The following MYO5B variants were observed in gnomAD, a reference collection of about 807,000 sequenced individuals.
MYO5B encodes the protein unconventional myosin-Vb.
Under a neutral mutation model 229.3 loss-of-function variants are expected in MYO5B, and 143 were observed. The ratio of observed to expected loss-of-function variants is 0.62; its 90% CI spans 0.54 to 0.72. The LOEUF is 0.72. MYO5B is among the 30% of genes least tolerant of loss of function. The pLI is 0.00. For missense variants in MYO5B, 2,321 were observed against 2,331.0 expected (o/e 1.00, Z 0.09); for synonymous variants, 918 against 885.2 (o/e 1.04, Z -0.66).
chr18:49,918,557 G>A (rs1043523468), intron 17 of MYO5B, among the ~76,000 whole-genome samples: 2 of 152,188 alleles, frequency 1.3e-5, no homozygotes, highest in African/African-American at 4.8e-5. Context: ...AGGATTCCTG[G>A]TCACATGGAG....
intron 1 of MYO5B, among the ~76,000 whole-genome samples, chr18:50,067,847 T>A (rs2030860311): frequency 6.6e-6 from 1 of 152,180 alleles, no homozygotes; most frequent in African/African-American, 2.4e-5. Context: ...GCCTCAGGTA[T>A]TCCTTTATAG....
In MYO5B at chr18:49,893,606, C is replaced by T. The variant is rs558851384; in HGVS notation, c.3045+1335G>A. On this transcript the variant is annotated intron_variant, in intron 22 of 39. Coordinates refer to ENST00000285039, the MANE Select transcript of MYO5B (RefSeq NM_001080467.3). ...TCCTGTGGGCAGAGGGCCCTCAAAGCAGCACATCAGGAGTGTGGCCTTTTA... is the reference window on the plus strand; with the variant it reads ...TCCTGTGGGCAGAGGGCCCTCAAAGTAGCACATCAGGAGTGTGGCCTTTTA... 5.9e-5 allele frequency among the ~76,000 whole-genome samples: 9 copies of T among 152,312 alleles called. No individual in the cohort carries two copies. The South Asian group carries it at 1.9e-3, about 32-fold the overall frequency.
chr18:49,908,400 AAGCAAACTT>A (rs2024923759), intron 18 of MYO5B, among the ~76,000 whole-genome samples: 1 of 152,210 alleles, frequency 6.6e-6, no homozygotes, highest in Non-Finnish European at 1.5e-5. Context: ...CAGGGGCTGA[AAGCAAACTT>A]AGCAATCCAT....
At position 49,879,086 on chromosome 18, in the gene MYO5B, T is replaced by G. The variant is rs1302588433; in HGVS notation, c.3135A>C (p.Glu1045Asp). ...TTTCCTTCACAGAGTTCTGGGCAAA[T>G]TCATCTGGAAAGCAACACGCTAAGC... Reference protein sequence around the residue: ...NNQILCQSKDEFAQNSVKENL... With the variant: ...NNQILCQSKDDFAQNSVKENL... The change falls in exon 24 of 40, where the codon GAA becomes GAC. Residue 1045 changes from glutamate (E) to aspartate (D), a missense_variant. Glu to Asp is a conservative substitution (Grantham distance 45). Around this residue, in one of 2 missense-constraint regions of MYO5B, gnomAD observed 2,113 missense variants for 2,044.7 expected, o/e 1.03. Transcript: ENST00000285039. 1.9e-6 allele frequency: 3 copies of G among 1,614,046 alleles called. No homozygotes were observed. The African/African-American group carries it at 4.0e-5, about 22-fold the overall frequency.
chr18:49,992,575 A>G (rs1477362194), intron 5 of MYO5B, 144 bp from the exon 6 acceptor site: 3 of 1,233,954 alleles, frequency 2.4e-6, no homozygotes, highest in Non-Finnish European at 3.5e-6. Flanking sequence ...GAACTGAGCT[A>G]AAGAATAAAA....
Position 49,853,607 on chromosome 18 carries a change from C to T in MYO5B, c.4063G>A (p.Glu1355Lys), listed in dbSNP as rs1390350411. 1 of 1,613,898 alleles carries T rather than the reference C, an allele frequency of 6.2e-7. No individual in the cohort carries two copies. The highest frequency in any genetic ancestry group is 2.2e-5 in the East Asian group (1 of 44,896). Residue 1355 changes from glutamate (E) to lysine (K), a missense_variant, in exon 31 of 40, where the codon GAG (glutamate) becomes AAG (lysine). Transcript: ENST00000285039. ...AQLQAQSLEH[E>K]EEVEHLKAQL... ...GCCTTGAGATGCTCCACCTCCTCCT[C>T]ATGCTCCAGGCTCTGGGCCTGCAGC... is the stretch of plus-strand genomic sequence containing the variant.
At chr18:50,033,766 CCT>C (rs1004756072) in intron 4 of MYO5B, among the ~76,000 whole-genome samples, 1 of 152,116 alleles carries the variant, frequency 6.6e-6, no homozygotes, top group Non-Finnish European at 1.5e-5. Context: ...TTTAACACCC[CCT>C]TTTTCTTCAC....
intron 1 of MYO5B, among the ~76,000 whole-genome samples, chr18:50,166,142 G>C (rs1477900066): frequency 6.6e-6 from 1 of 152,058 alleles, no homozygotes; most frequent in African/African-American, 2.4e-5. Flanking sequence ...CTCTGTATTA[G>C]TTAGTACGCC....
chr18:50,024,402 C>A (rs1261983487), intron 4 of MYO5B, among the ~76,000 whole-genome samples: 1 of 152,162 alleles, frequency 6.6e-6, no homozygotes, highest in Non-Finnish European at 1.5e-5. Flanking sequence ...TCTCTGCTAC[C>A]AGGTGCAAGA....
In MYO5B at chr18:49,954,022, ATATGTGTGTG is replaced by A. The variant is rs58362558; in HGVS notation, c.1668+281_1668+290del. On this transcript the variant is annotated intron_variant, in intron 13 of 39. Transcript: ENST00000285039. ...CAGACATATATGTGTGTATGTATTTATATGTGTGTGTGTGTGTGTGTGTGTGTGTGTGTGT... is the reference window on the plus strand; with the variant it reads ...CAGACATATATGTGTGTATGTATTTATGTGTGTGTGTGTGTGTGTGTGTGT... Among the ~76,000 whole-genome samples, 9,977 of 129,716 alleles carry A rather than the reference ATATGTGTGTG, an allele frequency of 0.077. 520 individuals carry two copies. Among genetic ancestry groups the A allele is most frequent in the Admixed American group, 0.1 (1,301 of 12,852 alleles). 85.1% of individuals were successfully genotyped at this position (129,716 alleles called of 152,430 possible).
intron 9 of MYO5B, among the ~76,000 whole-genome samples, chr18:49,978,877 T>C (rs1022609017): frequency 6.6e-6 from 1 of 152,116 alleles, no homozygotes; most frequent in Non-Finnish European, 1.5e-5. Context: ...TCACCTTTCC[T>C]GCCTCTTACC....
chr18:50,093,215 C>G (rs1256522987), intron 1 of MYO5B, among the ~76,000 whole-genome samples: 1 of 148,864 alleles, frequency 6.7e-6, no homozygotes, highest in Non-Finnish European at 1.5e-5. Context: ...CAGACACACA[C>G]ACACACACAC....
chr18:50,194,702 G>T, intron 1 of MYO5B, 65 bp downstream of exon 1: 1 of 1,203,038 alleles, frequency 8.3e-7, no homozygotes, highest in Non-Finnish European at 1.2e-6. Context: ...AGGCGACCCT[G>T]AGTACTAGGT....
intron 17 of MYO5B, among the ~76,000 whole-genome samples, chr18:49,924,225 T>C (rs2144185274): frequency 6.6e-6 from 1 of 152,298 alleles, no homozygotes; most frequent in Middle Eastern, 3.4e-3. Flanking sequence ...CCCAGATAGT[T>C]ACACCCATAG....
At chr18:49,872,314 G>A in intron 26 of MYO5B, 82 bp from the exon 27 acceptor site, 2 of 1,406,090 alleles carry the variant, frequency 1.4e-6, no homozygotes, top group East Asian at 2.3e-5. Flanking sequence ...GGTCAAACTT[G>A]CTCATCCTGC....
At chr18:50,167,003 G>T (rs2032862284) in intron 1 of MYO5B, among the ~76,000 whole-genome samples, 1 of 152,146 alleles carries the variant, frequency 6.6e-6, no homozygotes, top group African/African-American at 2.4e-5. Context: ...AAAGACGCCT[G>T]GAAAGTCTTT....
chr18:50,031,786 T>A (rs879909754), intron 4 of MYO5B, among the ~76,000 whole-genome samples: 3 of 152,232 alleles, frequency 2.0e-5, no homozygotes, highest in African/African-American at 7.2e-5. Context: ...AATTTCTCCA[T>A]TGCCCTATGC....
intron 1 of MYO5B, among the ~76,000 whole-genome samples, chr18:50,188,989 G>A (rs12966222): frequency 0.5 from 75,861 of 151,868 alleles, 19,070 homozygotes; most frequent in Admixed American, 0.57. Flanking sequence ...ATCTGAAAAC[G>A]GGGAGCAGAG....
chr18:49,891,030 T>C (rs1206584111), intron 22 of MYO5B, among the ~76,000 whole-genome samples: 1 of 152,128 alleles, frequency 6.6e-6, no homozygotes, highest in African/African-American at 2.4e-5. Flanking sequence ...GTTGCTCATC[T>C]CTCTGGAGGT....
Sources: allele counts gnomAD v4.1 joint callset (sites outside exome capture counted in the v4.1 genomes callset), GRCh38; gene constraint gnomAD v4.1.1; regional missense constraint gnomAD v4.1.1; transcripts MANE v1.5; gene names NCBI Gene and HGNC (gene_info 2026-07-23, HGNC 2026-07-21).